The following TBC1D32 variants were observed in gnomAD, a reference collection of about 807,000 sequenced individuals.
TBC1D32 encodes protein broad-minded.
TBC1D32 carries 151 observed loss-of-function variants against 170.3 expected under a neutral mutation model. The observed-to-expected ratio is 0.89, with a 90% CI of 0.78 to 1.01. TBC1D32 has a LOEUF of 1.01. TBC1D32 is among the 50% of genes least tolerant of loss of function. The pLI is 0.00. For synonymous variants in TBC1D32, 498 were observed against 488.0 expected, an observed-to-expected ratio of 1.02 and a Z score of -0.27; for missense variants, 1,464 against 1,457.1, an observed-to-expected ratio of 1.00 and a Z score of -0.08.
chr6:121,231,763 T>G (rs1382758584), intron 20 of TBC1D32, among the ~76,000 whole-genome samples: 1 of 152,128 alleles, frequency 6.6e-6, no homozygotes, highest in Non-Finnish European at 1.5e-5. Flanking sequence ...TTTGATATGG[T>G]TGCTTGTGTT....
chr6:121,111,225 G>A (rs138397474), intron 29 of TBC1D32, among the ~76,000 whole-genome samples: 2 of 152,130 alleles, frequency 1.3e-5, no homozygotes, highest in Non-Finnish European at 2.9e-5. Context: ...AAAAAAGTAC[G>A]ATTTTATAGG....
intron 25 of TBC1D32, 44 bp downstream of exon 25, chr6:121,131,583 A>G (rs1781444732): frequency 1.3e-6 from 2 of 1,569,882 alleles, no homozygotes; most frequent in South Asian, 2.4e-5. Context: ...TATTAATATA[A>G]TTTTCATACA....
At chr6:121,196,611 C>CTTTACG (rs1790769221) in intron 22 of TBC1D32, among the ~76,000 whole-genome samples, 1 of 152,184 alleles carries the variant, frequency 6.6e-6, no homozygotes, top group South Asian at 2.1e-4. Flanking sequence ...AAGGCACTCA[C>CTTTACG]TTTACGGCTA....
chr6:121,080,772 T>C lies in TBC1D32; in HGVS notation c.3773A>G (p.Ter1258TrpextTer7). Residue 1258 changes from the stop codon to tryptophan (W), a stop_lost, in exon 32 of 32, where the codon TAG becomes TGG. Transcript: ENST00000398212. ...AATTTAAACCGTGTGTCTCATGATC[T>C]ATGTGCTCTGCAGTCTAATGTTCCG... The part of the protein sequence containing the change: ...DMRNIRLQST[*>W] 1 of 1,610,992 alleles carries C rather than the reference T, an allele frequency of 6.2e-7. No individual in the cohort carries two copies. Among genetic ancestry groups the C allele is most frequent in the Non-Finnish European group, 8.5e-7 (1 of 1,178,994 alleles).
At chr6:121,102,349 C>T (rs558899199) in intron 30 of TBC1D32, among the ~76,000 whole-genome samples, 2 of 152,230 alleles carry the variant, frequency 1.3e-5, no homozygotes, top group African/African-American at 4.8e-5. Flanking sequence ...TACTACAAGG[C>T]TACAGTAACC....
chr6:121,267,200 G>A (rs977183600), intron 15 of TBC1D32, among the ~76,000 whole-genome samples: 16 of 151,596 alleles, frequency 1.1e-4, no homozygotes, highest in Admixed American at 2.6e-4. Flanking sequence ...AACTCCCAGC[G>A]TGAGCGACGC....
chr6:121,271,615 G>T (rs1801441690), intron 15 of TBC1D32, among the ~76,000 whole-genome samples: 1 of 151,978 alleles, frequency 6.6e-6, no homozygotes, highest in Non-Finnish European at 1.5e-5. Flanking sequence ...AATAAAAGAG[G>T]ACACAAACAA....
chr6:121,146,816 T>G (rs1292012050), intron 24 of TBC1D32, among the ~76,000 whole-genome samples: 1 of 152,170 alleles, frequency 6.6e-6, no homozygotes, highest in African/African-American at 2.4e-5. Context: ...ATTTTCTCAT[T>G]TGTATTTTTT....
chr6:121,281,649 C>T lies in TBC1D32; in HGVS notation c.1503G>A (p.Leu501=), dbSNP rs79788801. ...YSPASMVTEV[L]WILSDQKECA... ...ATTCTTTTTGATCACTGAGTATCCA[C>T]AGAACTTCAGTCACCATACTTGCAG... The change falls in exon 14 of 32, where the codon CTG becomes CTA. Residue 501 remains leucine (L), a synonymous_variant. Coordinates refer to ENST00000398212, the MANE Select transcript of TBC1D32 (RefSeq NM_152730.6). 0.022 allele frequency: 34,841 copies of T among 1,600,812 alleles called. 1,393 individuals are homozygous for T. The highest frequency in any genetic ancestry group is 0.14 in the East Asian group (6,184 of 44,132).
At chr6:121,155,451 T>C (rs1784762636) in intron 24 of TBC1D32, among the ~76,000 whole-genome samples, 1 of 152,106 alleles carries the variant, frequency 6.6e-6, no homozygotes, top group Non-Finnish European at 1.5e-5. Context: ...CAAGGGGAGA[T>C]AGTTTAACTT....
rs946561599 is a variant in TBC1D32, at chr6:121,262,367, G to A, written c.1734-6082C>T. ...TGAAATGAAAGAAAAAATGTTAAGG[G>A]CAGCCAGAGAGAAAGGCCAGGTCAC... On this transcript the variant is annotated intron_variant, in intron 15 of 31. Coordinates refer to ENST00000398212, the MANE Select transcript of TBC1D32 (RefSeq NM_152730.6). Among the ~76,000 whole-genome samples, 9 of 152,192 alleles carry A rather than the reference G, an allele frequency of 5.9e-5. No individual in the cohort carries two copies. In the East Asian group the frequency reaches 1.7e-3, roughly 29 times the overall value.
Position 121,117,974 on chromosome 6 carries a change from T to C in TBC1D32, c.2984-2733A>G, listed in dbSNP as rs778755508. Among the ~76,000 whole-genome samples the C allele has an allele frequency of 9.2e-5, 14 of 152,238 alleles. 1 individual carries two copies. In the South Asian group the frequency reaches 1.2e-3, roughly 14 times the overall value. On this transcript the variant is annotated intron_variant, in intron 26 of 31. Coordinates refer to ENST00000398212, the MANE Select transcript of TBC1D32 (RefSeq NM_152730.6). Reference sequence around the variant, plus strand: ...AAAATGAATAAGTAAAATTAAATAATTTTAAAAATGGACGTCTTCAGAGGA... The same window carrying C: ...AAAATGAATAAGTAAAATTAAATAACTTTAAAAATGGACGTCTTCAGAGGA...
chr6:121,286,434 G>A (rs1189429150), intron 12 of TBC1D32, among the ~76,000 whole-genome samples: 1 of 151,974 alleles, frequency 6.6e-6, no homozygotes, highest in Non-Finnish European at 1.5e-5. Context: ...GAGAAGTTTA[G>A]AGAAAAAAGA....
At chr6:121,156,068 G>T (rs1323008758) in intron 24 of TBC1D32, among the ~76,000 whole-genome samples, 1 of 151,500 alleles carries the variant, frequency 6.6e-6, no homozygotes, top group South Asian at 2.1e-4. Flanking sequence ...CAACTTTTTG[G>T]AATAGTTTCA....
chr6:121,092,265 T>C (rs1776880667), intron 30 of TBC1D32, among the ~76,000 whole-genome samples: 1 of 150,204 alleles, frequency 6.7e-6, no homozygotes, highest in African/African-American at 2.5e-5. Flanking sequence ...ATTCCCCTTA[T>C]TGAATATCTC....
intron 26 of TBC1D32, among the ~76,000 whole-genome samples, chr6:121,125,777 G>A (rs1375235938): frequency 6.6e-6 from 1 of 152,168 alleles, no homozygotes; most frequent in Non-Finnish European, 1.5e-5. Context: ...GCTCAGAGGT[G>A]TACATGTCAC....
At chr6:121,114,740 T>C (rs1779522653) in intron 27 of TBC1D32, among the ~76,000 whole-genome samples, 1 of 152,218 alleles carries the variant, frequency 6.6e-6, no homozygotes, top group African/African-American at 2.4e-5. Context: ...TACCTGTTTC[T>C]TTTCAAAATT....
At chr6:121,180,826 T>C (rs1159254955) in intron 22 of TBC1D32, among the ~76,000 whole-genome samples, 8 of 152,164 alleles carry the variant, frequency 5.3e-5, no homozygotes, top group Non-Finnish European at 8.8e-5. Flanking sequence ...ATTTGTAAAC[T>C]ATCCATACAA....
At chr6:121,174,663 T>C (rs1466634526) in intron 22 of TBC1D32, among the ~76,000 whole-genome samples, 1 of 152,154 alleles carries the variant, frequency 6.6e-6, no homozygotes, top group African/African-American at 2.4e-5. Context: ...TGTAAGAATT[T>C]AAACAGCTTT....
Sources: gnomAD v4.1 joint callset for allele counts (sites outside exome capture counted in the v4.1 genomes callset) on GRCh38, gnomAD v4.1.1 for gene constraint, MANE v1.5 for transcripts, NCBI Gene and HGNC (gene_info 2026-07-23, HGNC 2026-07-21) for gene names.